NRG1: variants seen among roughly 807,000 people sequenced by gnomAD.
NRG1 encodes the protein neuregulin 1.
Under a neutral mutation model 63.8 loss-of-function variants are expected in NRG1, and 18 were observed. The observed-to-expected ratio is 0.28, with a 90% CI of 0.19 to 0.42. The LOEUF is 0.42. NRG1 is among the 10% of genes least tolerant of loss of function. The pLI is 1.00. For missense variants in NRG1, 762 were observed against 814.7 expected, an observed-to-expected ratio of 0.94 and a Z score of 0.79; for synonymous variants, 302 against 301.3, an observed-to-expected ratio of 1.00 and a Z score of -0.02.
At chr8:31,904,587 C>A (rs1198436142) in intron 1 of NRG1, among the ~76,000 whole-genome samples, 1 of 152,140 alleles carries the variant, frequency 6.6e-6, no homozygotes, top group Non-Finnish European at 1.5e-5. Flanking sequence ...ATATGTTCAT[C>A]GCAGCAGTGT....
intron 1 of NRG1, among the ~76,000 whole-genome samples, chr8:31,651,458 A>G (rs942683291): frequency 6.6e-6 from 1 of 152,184 alleles, no homozygotes; most frequent in African/African-American, 2.4e-5. Context: ...TTTAGGTTCT[A>G]ATAATTAGCA....
At chr8:32,548,068 G>A (rs1833291931), upstream of NRG1, 3 of 324,568 alleles carry the variant, frequency 9.2e-6, no homozygotes, top group Non-Finnish European at 1.3e-5. Context: ...CCTGTCGGGG[G>A]TTCCCGGCAG....
intron 1 of NRG1, among the ~76,000 whole-genome samples, chr8:32,161,785 G>A (rs1230934566): frequency 2.6e-5 from 4 of 152,110 alleles, no homozygotes; most frequent in Admixed American, 6.5e-5. Flanking sequence ...TTTTCAATAC[G>A]TGGCTTCAAG....
chr8:32,619,829 T>C (rs1199236251), intron 5 of NRG1, among the ~76,000 whole-genome samples: 1 of 152,204 alleles, frequency 6.6e-6, no homozygotes. Context: ...TCCTAGTGTG[T>C]TTTTTAAAAT....
chr8:32,704,559 T>C (rs1369152697), intron 5 of NRG1, among the ~76,000 whole-genome samples: 3 of 152,302 alleles, frequency 2.0e-5, no homozygotes, highest in African/African-American at 7.2e-5. Context: ...TAAAAATCTG[T>C]ATGAAAAAGC....
At chr8:32,654,058 G>T (rs1243778601) in intron 5 of NRG1, among the ~76,000 whole-genome samples, 1 of 152,016 alleles carries the variant, frequency 6.6e-6, no homozygotes, top group Non-Finnish European at 1.5e-5. Flanking sequence ...CATTTTTAGA[G>T]ATTATTTGTG....
chr8:31,704,050 G>A (rs1249788511), intron 1 of NRG1, among the ~76,000 whole-genome samples: 1 of 152,064 alleles, frequency 6.6e-6, no homozygotes, highest in Non-Finnish European at 1.5e-5. Flanking sequence ...GTTACTTCTT[G>A]GCTTCAACCA....
intron 1 of NRG1, among the ~76,000 whole-genome samples, chr8:32,503,043 C>A (rs539124340): frequency 3.1e-4 from 47 of 151,930 alleles, no homozygotes; most frequent in African/African-American, 1.1e-3. Context: ...CCCAGCACTT[C>A]GGGAGGCTGA....
chr8:31,839,004 A>AC (rs1825940556), intron 1 of NRG1, among the ~76,000 whole-genome samples: 1 of 152,120 alleles, frequency 6.6e-6, no homozygotes, highest in Non-Finnish European at 1.5e-5. Flanking sequence ...TTCCCTTGAA[A>AC]TGTAGTGCTG....
intron 1 of NRG1, among the ~76,000 whole-genome samples, chr8:31,761,196 C>G (rs1322792526): frequency 2.0e-5 from 3 of 151,814 alleles, no homozygotes; most frequent in Non-Finnish European, 2.9e-5. Context: ...GTAAACTATC[C>G]CAAGGACAAA....
chr8:32,521,140 G>A (rs1830305449), intron 1 of NRG1, among the ~76,000 whole-genome samples: 1 of 152,060 alleles, frequency 6.6e-6, no homozygotes, highest in Non-Finnish European at 1.5e-5. Context: ...TATATATAGG[G>A]TTTGGTACTA....
chr8:32,084,771 T>C (rs1586987275), intron 1 of NRG1, among the ~76,000 whole-genome samples: 7 of 152,098 alleles, frequency 4.6e-5, no homozygotes, highest in Admixed American at 4.6e-4. Context: ...GGGTAGCTGG[T>C]GGGGTAGTGA....
chr8:32,110,263 T>G (rs2131439105), intron 1 of NRG1, among the ~76,000 whole-genome samples: 1 of 151,618 alleles, frequency 6.6e-6, no homozygotes, highest in South Asian at 2.1e-4. Context: ...TTGAGGAACT[T>G]CAAGGGCTCA....
At chr8:32,315,586 G>GT (rs1295145696) in intron 1 of NRG1, among the ~76,000 whole-genome samples, 5 of 152,176 alleles carry the variant, frequency 3.3e-5, no homozygotes, top group African/African-American at 1.2e-4. Flanking sequence ...AAAACTGCCA[G>GT]TTTTTCAGTT....
chr8:32,277,376 C>G (rs1447537639), intron 1 of NRG1, among the ~76,000 whole-genome samples: 2 of 152,022 alleles, frequency 1.3e-5, no homozygotes, highest in African/African-American at 2.4e-5. Flanking sequence ...GGACAAGAAA[C>G]TTCACTTGGC....
At chr8:32,509,183 G>A (rs1828893489) in intron 1 of NRG1, among the ~76,000 whole-genome samples, 1 of 151,934 alleles carries the variant, frequency 6.6e-6, no homozygotes, top group African/African-American at 2.4e-5. Flanking sequence ...ACTCACTGCA[G>A]CCTCAAGCTC....
At chr8:32,453,312 C>T (rs371293472) in intron 1 of NRG1, among the ~76,000 whole-genome samples, 12 of 152,122 alleles carry the variant, frequency 7.9e-5, no homozygotes, top group African/African-American at 2.9e-4. Flanking sequence ...GTCTTATTGA[C>T]AATCTACGTA....
intron 1 of NRG1, among the ~76,000 whole-genome samples, chr8:31,883,111 C>G (rs1319789821): frequency 6.6e-6 from 1 of 152,034 alleles, no homozygotes; most frequent in Non-Finnish European, 1.5e-5. Flanking sequence ...CAGCAAATTT[C>G]ATTGTTGTCT....
At chr8:32,403,074 G>T (rs546232012) in intron 1 of NRG1, among the ~76,000 whole-genome samples, 3 of 151,836 alleles carry the variant, frequency 2.0e-5, no homozygotes, top group African/African-American at 7.2e-5. Context: ...CAAGACGGGT[G>T]GATCACCCAA....
Sources: gnomAD v4.1 joint callset for allele counts (sites outside exome capture counted in the v4.1 genomes callset) on GRCh38, gnomAD v4.1.1 for gene constraint, MANE v1.5 for transcripts, NCBI Gene and HGNC (gene_info 2026-07-23, HGNC 2026-07-21) for gene names.